Variants in TECPR2 observed in about 807,000 individuals in gnomAD.
The protein encoded by TECPR2 is tectonin beta-propeller repeat-containing protein 2.
Under a neutral mutation model 138.1 loss-of-function variants are expected in TECPR2, and 65 were observed. The observed-to-expected ratio is 0.47, with a 90% CI of 0.39 to 0.58. The LOEUF is 0.58. Among genes scored for constraint, TECPR2 ranks in the 20% least tolerant of loss-of-function variants. The pLI, the probability that TECPR2 is intolerant of heterozygous loss-of-function variation, is 0.00. For missense variants in TECPR2, 1,553 were observed against 1,824.5 expected (o/e 0.85, Z 2.71); for synonymous variants, 746 against 749.8 (o/e 0.99, Z 0.08).
chr14:102,379,729 A>G (rs12147241), intron 2 of TECPR2, among the ~76,000 whole-genome samples: 160 of 93,572 alleles, frequency 1.7e-3, no homozygotes, highest in Middle Eastern at 8.9e-3. Flanking sequence ...GCACAGAGGC[A>G]TCTTAGTCAC....
In TECPR2 at chr14:102,449,755, G is replaced by A; in HGVS notation, c.3202G>A (p.Ala1068Thr). The change falls in exon 14 of 20, where the codon GCG becomes ACG. Residue 1068 changes from alanine (A) to threonine (T), a missense_variant. Transcript: ENST00000359520. ...AAAGGTGGCAGATAAGCTGCGCATG[G>A]CGTTTTGGTCCCAGCAGCTTCAGTG... ...VEKVADKLRM[A>T]FWSQQLQCQP... 1 of 1,614,160 alleles carries A rather than the reference G, an allele frequency of 6.2e-7. No individual in the cohort carries two copies. The highest frequency in any genetic ancestry group is 1.1e-5 in the South Asian group (1 of 91,084).
intron 2 of TECPR2, among the ~76,000 whole-genome samples, chr14:102,380,696 TGAGACG>T (rs1887781782): frequency 6.6e-6 from 1 of 152,260 alleles, no homozygotes; most frequent in South Asian, 2.1e-4. Context: ...TGTTTTGTTT[TGAGACG>T]GAGTCTCGCT....
At chr14:102,453,019 G>A (rs1163997196) in intron 16 of TECPR2, among the ~76,000 whole-genome samples, 1 of 152,204 alleles carries the variant, frequency 6.6e-6, no homozygotes, top group African/African-American at 2.4e-5. Context: ...TCAGTGCCAC[G>A]TTTGTCTATC....
intron 17 of TECPR2, among the ~76,000 whole-genome samples, chr14:102,493,001 C>G (rs1891189358): frequency 6.6e-6 from 1 of 152,202 alleles, no homozygotes; most frequent in Non-Finnish European, 1.5e-5. Context: ...CATCCTCTGC[C>G]CGCTCACGAG....
chr14:102,388,265 G>T (rs771906751), intron 2 of TECPR2, among the ~76,000 whole-genome samples: 27 of 152,182 alleles, frequency 1.8e-4, no homozygotes, highest in Admixed American at 5.2e-4. Context: ...TTCATTGGTT[G>T]CTGGAAAATT....
intron 9 of TECPR2, 78 bp from the exon 10 acceptor site, chr14:102,437,944 C>T: frequency 6.6e-7 from 1 of 1,507,288 alleles, no homozygotes; most frequent in South Asian, 1.3e-5. Context: ...GATATCCTCT[C>T]ACCTTTCTTA....
At chr14:102,411,698 T>TAAAAAAAAAAAAAAAAAAAAAA (rs1219515960) in intron 4 of TECPR2, among the ~76,000 whole-genome samples, 1 of 9,668 alleles carries the variant, frequency 1.0e-4, no homozygotes, top group Non-Finnish European at 1.9e-4. Context: ...GCCATGTTGC[T>TAAAAAAAAAAAAAAAAAAAAAA]CAAAAAAAAA....
At position 102,443,785 on chromosome 14, in the gene TECPR2, G is replaced by A; in HGVS notation, c.2891G>A (p.Ser964Asn). 6.2e-7 allele frequency: 1 copy of A among 1,603,338 alleles called. No homozygotes were observed. Among genetic ancestry groups the A allele is most frequent in the Non-Finnish European group, 8.5e-7 (1 of 1,172,628 alleles). ...RALLYREGVS[S>N]FCPEGEQWKC... ...CTCCTGTACCGGGAGGGCGTGAGCA[G>A]CTTCTGTCCGGAAGGCGAGCAGTGG... The change falls in exon 12 of 20, where the codon AGC (serine) becomes AAC (asparagine). Residue 964 changes from serine (S) to asparagine (N), a missense_variant. Ser to Asn is a conservative substitution (Grantham distance 46, BLOSUM62 1). Transcript: ENST00000359520. The surrounding 1 kb of genome is among the most constrained non-coding windows in gnomAD (Gnocchi z 4.9).
chr14:102,451,320 G>A (rs1451433688), intron 15 of TECPR2, among the ~76,000 whole-genome samples: 1 of 152,216 alleles, frequency 6.6e-6, no homozygotes, highest in African/African-American at 2.4e-5. Context: ...GAAATGCAAA[G>A]ATGCTGTGAA....
intron 17 of TECPR2, among the ~76,000 whole-genome samples, chr14:102,489,215 C>A (rs546428421): frequency 2.0e-5 from 3 of 152,266 alleles, no homozygotes; most frequent in Non-Finnish European, 4.4e-5. Context: ...TCAAGAAAGC[C>A]CCTAGCAATG....
intron 13 of TECPR2, 142 bp from the exon 14 acceptor site, chr14:102,449,486 CA>C: frequency 7.5e-7 from 1 of 1,341,036 alleles, no homozygotes. Flanking sequence ...CACAAGCGCA[CA>C]CGTGCACATT....
In TECPR2 at chr14:102,428,235, T is replaced by G. The variant is rs1177108889; in HGVS notation, c.952-15T>G. On this transcript the variant is annotated splice_polypyrimidine_tract_variant and intron_variant, in intron 6 of 19. Transcript: ENST00000359520. The stretch of plus-strand genomic sequence containing the variant: ...TTTGTGTTTTTTGTTTTTTTTTTTT[T>G]TTTTTTTTTGACAGGCCACAGTTGC... The G allele has an allele frequency of 5.1e-6, 7 of 1,378,258 alleles. No individual in the cohort carries two copies. Among genetic ancestry groups the G allele is most frequent in the Middle Eastern group, 1.9e-4 (1 of 5,134 alleles). The allele number at this position is 1,378,258 out of a possible 1,614,324, so 85.4% of individuals were successfully genotyped here. A position where few individuals can be genotyped will look rare whatever the true frequency, so the allele number is the denominator to read the frequency against.
At chr14:102,429,299 C>G (rs1031647077) in intron 7 of TECPR2, among the ~76,000 whole-genome samples, 2 of 152,184 alleles carry the variant, frequency 1.3e-5, no homozygotes, top group African/African-American at 4.8e-5. Context: ...AATCAGAAAC[C>G]ACTTTACTGA....
chr14:102,442,223 C>T (rs539709635), intron 11 of TECPR2, among the ~76,000 whole-genome samples: 405 of 152,324 alleles, frequency 2.7e-3, no homozygotes, highest in Middle Eastern at 6.8e-3. Context: ...GTGATCCGCC[C>T]GCCTCAGCCT....
At chr14:102,385,691 T>C (rs1049895794) in intron 2 of TECPR2, among the ~76,000 whole-genome samples, 7 of 152,068 alleles carry the variant, frequency 4.6e-5, no homozygotes, top group Non-Finnish European at 1.0e-4. Context: ...CCCAGCACTT[T>C]GGGAGGCCGA....
chr14:102,373,403 C>T (rs1286245625), intron 1 of TECPR2, among the ~76,000 whole-genome samples: 1 of 152,162 alleles, frequency 6.6e-6, no homozygotes, highest in Admixed American at 6.5e-5. Flanking sequence ...AAATAAATTA[C>T]ATGAGATATG....
Position 102,434,568 on chromosome 14 carries a change from G to A in TECPR2, c.1751G>A (p.Gly584Glu). The part of the protein sequence containing the change: ...HHAHGRELLN[G>E]AREDVGGSDV... ...GCACATGGGCGGGAGCTGCTCAATG[G>A]AGCGAGGGAAGATGTGGGAGGCAGT... The change falls in exon 9 of 20, where the codon GGA (glycine) becomes GAA (glutamate). Residue 584 changes from glycine to glutamate, a missense_variant. By Grantham distance (98) the Gly-to-Glu change is moderately conservative. Transcript: ENST00000359520. The A allele has an allele frequency of 1.3e-6, 2 of 1,557,296 alleles. No individual in the cohort carries two copies. Among genetic ancestry groups the A allele is most frequent in the Non-Finnish European group, 1.7e-6 (2 of 1,147,456 alleles).
chr14:102,435,425 A>G (rs1321259811), intron 9 of TECPR2, among the ~76,000 whole-genome samples: 1 of 152,220 alleles, frequency 6.6e-6, no homozygotes, highest in Non-Finnish European at 1.5e-5. Context: ...TACCCTGCTC[A>G]GTAACCTGCC....
chr14:102,465,897 G>T (rs1745359136), intron 17 of TECPR2, among the ~76,000 whole-genome samples: 1 of 152,122 alleles, frequency 6.6e-6, no homozygotes, highest in South Asian at 2.1e-4. Flanking sequence ...TTCCTGTGCT[G>T]AATAGATTTC....
Sources: gnomAD v4.1 joint callset for allele counts (sites outside exome capture counted in the v4.1 genomes callset) on GRCh38, gnomAD v4.1.1 for gene constraint, Gnocchi (gnomAD v3.1) non-coding constraint, MANE v1.5 for transcripts, NCBI Gene and HGNC (gene_info 2026-07-23, HGNC 2026-07-21) for gene names.